EFNA5: variants seen among roughly 807,000 people sequenced by gnomAD.
The protein encoded by EFNA5 is ephrin A5.
EFNA5 carries 5 observed loss-of-function variants against 22.9 expected under a neutral mutation model. That is an observed-to-expected ratio of 0.22 (90% confidence interval 0.11 to 0.46). The LOEUF (loss-of-function observed/expected upper bound fraction) is 0.46. Among genes scored for constraint, EFNA5 ranks in the 20% least tolerant of loss-of-function variants. EFNA5 has a pLI of 0.99. For missense variants in EFNA5, 237 were observed against 293.3 expected (o/e 0.81, Z 1.40); for synonymous variants, 113 against 112.2 (o/e 1.01, Z -0.04).
intron 1 of EFNA5, among the ~76,000 whole-genome samples, chr5:107,453,946 A>AGTGTGTGTGTGTGTGT (rs5870261): frequency 6.7e-6 from 1 of 149,300 alleles, no homozygotes; most frequent in East Asian, 2.0e-4. Context: ...AAGGAGTGTG[A>AGTGTGTGTGTGTGTGT]GTGTGTGTGT....
intron 1 of EFNA5, among the ~76,000 whole-genome samples, chr5:107,649,346 A>G (rs1309807233): frequency 6.6e-6 from 1 of 152,188 alleles, no homozygotes; most frequent in African/African-American, 2.4e-5. Flanking sequence ...AAATCAATAC[A>G]TGAATTTAGT....
At chr5:107,511,439 T>C (rs984380585) in intron 1 of EFNA5, among the ~76,000 whole-genome samples, 1 of 152,172 alleles carries the variant, frequency 6.6e-6, no homozygotes, top group Non-Finnish European at 1.5e-5. Context: ...TATGATAGAA[T>C]ATAGTAGTAG....
intron 1 of EFNA5, among the ~76,000 whole-genome samples, chr5:107,497,465 G>T (rs1252618483): frequency 6.6e-6 from 1 of 152,190 alleles, no homozygotes; most frequent in Non-Finnish European, 1.5e-5. Context: ...GGCTGGGAAA[G>T]ATTTTTTGAA....
At chr5:107,592,449 G>T (rs1352404205) in intron 1 of EFNA5, among the ~76,000 whole-genome samples, 1 of 151,856 alleles carries the variant, frequency 6.6e-6, no homozygotes, top group Non-Finnish European at 1.5e-5. Flanking sequence ...TTGGCAACAT[G>T]GACATGCTTT....
At chr5:107,403,430 T>G (rs1289899351) in intron 2 of EFNA5, among the ~76,000 whole-genome samples, 5 of 152,228 alleles carry the variant, frequency 3.3e-5, no homozygotes, top group Non-Finnish European at 7.3e-5. Context: ...TATGAGAGAT[T>G]GAAAGAATTT....
intron 1 of EFNA5, among the ~76,000 whole-genome samples, chr5:107,542,493 T>C (rs1011304420): frequency 1.3e-5 from 2 of 151,094 alleles, no homozygotes; most frequent in African/African-American, 4.8e-5. Flanking sequence ...GTCTGCCGCC[T>C]GCATGCAGGC....
At chr5:107,574,272 C>A (rs556547206) in intron 1 of EFNA5, among the ~76,000 whole-genome samples, 1 of 152,136 alleles carries the variant, frequency 6.6e-6, no homozygotes, top group South Asian at 2.1e-4. Flanking sequence ...AGTGGGAGTA[C>A]AAGGAAGACT....
At chr5:107,516,211 T>TGTG (rs10674517) in intron 1 of EFNA5, among the ~76,000 whole-genome samples, 3 of 150,684 alleles carry the variant, frequency 2.0e-5, no homozygotes, top group Admixed American at 6.6e-5. Flanking sequence ...TGTGTGTGTG[T>TGTG]TAATTTTTGG....
Position 107,483,942 on chromosome 5 carries a change from C to T in EFNA5, c.126-56433G>A, listed in dbSNP as rs1750550647. Among the ~76,000 whole-genome samples the T allele has an allele frequency of 2.0e-5, 3 of 152,156 alleles. No individual in the cohort carries two copies. In the South Asian group the frequency reaches 6.2e-4, roughly 31 times the overall value. On this transcript the variant is annotated intron_variant, in intron 1 of 4. Transcript: ENST00000333274. ...CCTGAGAGAGACACTTTTCAGGTGG[C>T]AGAAACCTACCTCAGACTTTTATTT...
At chr5:107,488,894 T>C (rs914084783) in intron 1 of EFNA5, among the ~76,000 whole-genome samples, 4 of 151,808 alleles carry the variant, frequency 2.6e-5, no homozygotes, top group Non-Finnish European at 4.4e-5. Context: ...GGTTTTCACC[T>C]GTTGGGCAGG....
At chr5:107,494,345 C>T (rs1746907220) in intron 1 of EFNA5, among the ~76,000 whole-genome samples, 2 of 152,192 alleles carry the variant, frequency 1.3e-5, no homozygotes, top group South Asian at 2.1e-4. Flanking sequence ...TGGGAGCAGC[C>T]GGCCGGCCCT....
At chr5:107,387,538 T>C (rs574635081) in intron 3 of EFNA5, among the ~76,000 whole-genome samples, 168 bp downstream of exon 3, 1 of 152,268 alleles carries the variant, frequency 6.6e-6, no homozygotes. Context: ...AAAAGCATCA[T>C]GAAGAATGAG....
intron 1 of EFNA5, among the ~76,000 whole-genome samples, chr5:107,632,621 C>T (rs1195187805): frequency 6.6e-6 from 1 of 152,114 alleles, no homozygotes; most frequent in African/African-American, 2.4e-5. Context: ...TTTCAGTAAC[C>T]AAGTGCTCCA....
intron 1 of EFNA5, among the ~76,000 whole-genome samples, chr5:107,605,607 C>A (rs1417246486): frequency 2.0e-5 from 3 of 151,818 alleles, no homozygotes; most frequent in Non-Finnish European, 2.9e-5. Flanking sequence ...ACTCTCAACC[C>A]AAAATTTCAA....
chr5:107,552,371 T>A (rs1748318890), intron 1 of EFNA5, among the ~76,000 whole-genome samples: 1 of 152,240 alleles, frequency 6.6e-6, no homozygotes. Flanking sequence ...CACTATGTAT[T>A]AACTCACTTG....
At chr5:107,502,360 C>G (rs1344800273) in intron 1 of EFNA5, among the ~76,000 whole-genome samples, 1 of 152,230 alleles carries the variant, frequency 6.6e-6, no homozygotes, top group African/African-American at 2.4e-5. Context: ...GATCCCTCAT[C>G]ATGCCACAGT....
At chr5:107,478,972 C>T (rs1477640394) in intron 1 of EFNA5, among the ~76,000 whole-genome samples, 3 of 152,120 alleles carry the variant, frequency 2.0e-5, no homozygotes, top group Non-Finnish European at 4.4e-5. Context: ...GATGCAAAGA[C>T]ATGTTAACCA....
At chr5:107,486,303 G>A (rs768883201) in intron 1 of EFNA5, among the ~76,000 whole-genome samples, 3 of 152,140 alleles carry the variant, frequency 2.0e-5, no homozygotes, top group Non-Finnish European at 2.9e-5. Context: ...TTAGCCTACC[G>A]GCTTCTCCTT....
intron 1 of EFNA5, among the ~76,000 whole-genome samples, chr5:107,436,913 A>G (rs1168686769): frequency 1.3e-5 from 2 of 151,584 alleles, no homozygotes; most frequent in Non-Finnish European, 2.9e-5. Flanking sequence ...CACAGTTTCA[A>G]AAATAATAAT....
Sources: allele counts gnomAD v4.1 joint callset (sites outside exome capture counted in the v4.1 genomes callset), GRCh38; gene constraint gnomAD v4.1.1; transcripts MANE v1.5; gene names NCBI Gene and HGNC (gene_info 2026-07-23, HGNC 2026-07-21).